The following LNPEP variants were observed in gnomAD, a reference collection of about 807,000 sequenced individuals.
LNPEP encodes leucyl and cystinyl aminopeptidase.
In LNPEP, 64 loss-of-function variants were observed where a neutral mutation model predicts 120.6. That is an observed-to-expected ratio of 0.53 (90% CI 0.43 to 0.65). The LOEUF is 0.65. Among genes scored for constraint, LNPEP ranks in the 30% least tolerant of loss-of-function variants. LNPEP has a pLI of 0.00. For synonymous variants in LNPEP, 435 were observed against 425.4 expected, an observed-to-expected ratio of 1.02 and a Z score of -0.28; for missense variants, 1,057 against 1,200.0, an observed-to-expected ratio of 0.88 and a Z score of 1.76.
At chr5:97,008,224 T>G (rs1790832432) in intron 11 of LNPEP, among the ~76,000 whole-genome samples, 2 of 152,112 alleles carry the variant, frequency 1.3e-5, no homozygotes, top group South Asian at 4.1e-4. Context: ...TTTTGCAAAC[T>G]TTCTGATAGT....
chr5:96,958,460 TCCACTAAGTACAGAAGTGGAG>T lies in LNPEP; in HGVS notation c.20-20675_20-20655del, dbSNP rs371740066. The stretch of plus-strand genomic sequence containing the variant: ...AGCTGAACTTGGGCAAGCTCCTAAC[TCCACTAAGTACAGAAGTGGAG>T]CCGTACAGCCATGAATGTCAGGCAT... On this transcript the variant is annotated intron_variant, in intron 1 of 17. Transcript: ENST00000231368. The T allele has an allele frequency of 4.0e-4, 391 of 985,470 alleles. 2 individuals are homozygous for T. In the African/African-American group the frequency reaches 6.4e-3, roughly 16 times the overall value. 61.0% of individuals were successfully genotyped at this position (985,470 alleles called of 1,614,324 possible). A position where few individuals can be genotyped will look rare whatever the true frequency, so the allele number is the denominator to read the frequency against.
rs1554071749 is a variant in LNPEP, at chr5:97,030,620, C to CTCTGTGTGTGTGTGTG, written c.*2088_*2089insCTGTGTGTGTGTGTGT. On this transcript the variant is annotated 3_prime_UTR_variant, in exon 18 of 18. Transcript: ENST00000231368. ...CATTTCTCTCCCTCTCTCTCTCTCT[C>CTCTGTGTGTGTGTGTG]TGTGTGTGTGTGTGTGTGTGTGTGT... is the stretch of plus-strand genomic sequence containing the variant. 17 of 126,276 alleles carry CTCTGTGTGTGTGTGTG rather than the reference C, an allele frequency of 1.3e-4. No homozygotes were observed. The highest frequency in any genetic ancestry group is 2.5e-4 in the Non-Finnish European group (15 of 59,460). 7.8% of individuals were successfully genotyped at this position (126,276 alleles called of 1,614,324 possible).
intron 1 of LNPEP, among the ~76,000 whole-genome samples, chr5:96,959,790 T>C (rs1789554294): frequency 6.6e-6 from 1 of 152,182 alleles, no homozygotes; most frequent in African/African-American, 2.4e-5. Context: ...TGGGAAGATC[T>C]AAAATTTTTG....
chr5:96,949,217 C>G (rs1049201720), intron 1 of LNPEP, among the ~76,000 whole-genome samples: 3 of 152,182 alleles, frequency 2.0e-5, no homozygotes, highest in Non-Finnish European at 4.4e-5. Flanking sequence ...TTGCCTAAAG[C>G]ATGGGTCCCC....
intron 2 of LNPEP, among the ~76,000 whole-genome samples, chr5:96,981,842 A>G (rs1259568533): frequency 2.0e-5 from 3 of 152,142 alleles, no homozygotes; most frequent in Non-Finnish European, 4.4e-5. Flanking sequence ...TGATACTAAG[A>G]ACTAGTAAAC....
At position 96,954,723 on chromosome 5, in the gene LNPEP, CAT is replaced by C. The variant is rs1284258736; in HGVS notation, c.19+18559_19+18560del. ...ATATACATATATACACATATATATA[CAT>C]ATATATATACATATATATATACACA... On this transcript the variant is annotated intron_variant, in intron 1 of 17. Coordinates refer to ENST00000231368, the MANE Select transcript of LNPEP (RefSeq NM_005575.3). 2.6e-3 allele frequency among the ~76,000 whole-genome samples: 218 copies of C among 85,490 alleles called. 59 individuals carry two copies. Among genetic ancestry groups the C allele is most frequent in the East Asian group, 0.02 (61 of 3,092 alleles). The allele number at this position is 85,490 out of a possible 152,430, so 56.1% of individuals were successfully genotyped here. A position where few individuals can be genotyped will look rare whatever the true frequency, so the allele number is the denominator to read the frequency against.
At chr5:97,022,561 C>T (rs953908647) in intron 14 of LNPEP, 77 bp downstream of exon 14, 6 of 1,129,164 alleles carry the variant, frequency 5.3e-6, no homozygotes, top group South Asian at 2.7e-5. Context: ...AGGGTATTCT[C>T]ATCCTGGATC....
intron 3 of LNPEP, among the ~76,000 whole-genome samples, chr5:96,985,771 T>C (rs78816478): frequency 6.6e-6 from 1 of 151,372 alleles, no homozygotes; most frequent in African/African-American, 2.4e-5. Context: ...TTTTTTTTTT[T>C]GGTCTTAGAC....
intron 11 of LNPEP, chr5:97,010,989 G>T: frequency 1.0e-6 from 1 of 985,264 alleles, no homozygotes; most frequent in Non-Finnish European, 1.2e-6. Flanking sequence ...GTGTCATCTC[G>T]ATGACAGTAA....
At chr5:96,989,137 G>A (rs1023904120) in intron 4 of LNPEP, among the ~76,000 whole-genome samples, 6 of 150,694 alleles carry the variant, frequency 4.0e-5, no homozygotes, top group African/African-American at 7.3e-5. Flanking sequence ...CATAGACTCT[G>A]GAGTCTAATT....
chr5:96,971,641 A>G (rs1789866054), intron 1 of LNPEP, among the ~76,000 whole-genome samples: 1 of 151,884 alleles, frequency 6.6e-6, no homozygotes, highest in Non-Finnish European at 1.5e-5. Flanking sequence ...TGTCAAGTTT[A>G]TGGACTCTTT....
chr5:96,955,496 T>G (rs1354870027), intron 1 of LNPEP, among the ~76,000 whole-genome samples: 2 of 152,124 alleles, frequency 1.3e-5, no homozygotes, highest in Admixed American at 6.5e-5. Context: ...ACGCCTGTAG[T>G]CCCAGCTACT....
chr5:96,949,479 CCT>C (rs1789274375), intron 1 of LNPEP, among the ~76,000 whole-genome samples: 1 of 152,180 alleles, frequency 6.6e-6, no homozygotes. Flanking sequence ...CATGCTCTTG[CCT>C]CTGTCACTTC....
intron 1 of LNPEP, 31 bp from the exon 2 acceptor site, chr5:96,979,107 T>C: frequency 1.3e-6 from 2 of 1,543,468 alleles, no homozygotes; most frequent in South Asian, 1.3e-5. Flanking sequence ...TTTCTAACTC[T>C]GTGCCTTGTT....
At chr5:96,976,621 T>A (rs1290958525) in intron 1 of LNPEP, among the ~76,000 whole-genome samples, 5 of 152,104 alleles carry the variant, frequency 3.3e-5, no homozygotes, top group African/African-American at 1.2e-4. Flanking sequence ...AAAACCATGC[T>A]GTACAGAACC....
intron 17 of LNPEP, 108 bp from the exon 18 acceptor site, chr5:97,028,294 A>C: frequency 1.0e-6 from 1 of 981,914 alleles, no homozygotes; most frequent in African/African-American, 1.6e-5. Context: ...ACTGCTTTCA[A>C]GATAGCAGCA....
intron 2 of LNPEP, among the ~76,000 whole-genome samples, chr5:96,982,499 G>GT (rs1480129591): frequency 1.3e-5 from 2 of 152,192 alleles, no homozygotes; most frequent in African/African-American, 2.4e-5. Context: ...CTTAACAACA[G>GT]TTTAAGGCTT....
At chr5:96,994,022 C>T (rs1486376341) in intron 6 of LNPEP, 51 bp downstream of exon 6, 1 of 1,485,690 alleles carries the variant, frequency 6.7e-7, no homozygotes, top group East Asian at 2.3e-5. Flanking sequence ...TACTTCATGT[C>T]CTGGAGTTAT....
chr5:97,015,175 G>A lies in LNPEP; in HGVS notation c.2376+80G>A, dbSNP rs1456682164. On this transcript the variant is annotated intron_variant, in intron 13 of 17. Coordinates refer to ENST00000231368, the MANE Select transcript of LNPEP (RefSeq NM_005575.3). The stretch of plus-strand genomic sequence containing the variant: ...TGGTTCCATTTTCAGCCAGTAATAG[G>A]CTGAAAAAGCAACCAGTTAAATTCC... The A allele has an allele frequency of 1.2e-5, 11 of 925,336 alleles. No homozygotes were observed. The East Asian group carries it at 3.0e-4, about 25-fold the overall frequency. 57.3% of individuals were successfully genotyped at this position (925,336 alleles called of 1,614,324 possible).
Sources: gnomAD v4.1 joint callset for allele counts (sites outside exome capture counted in the v4.1 genomes callset) on GRCh38, gnomAD v4.1.1 for gene constraint, MANE v1.5 for transcripts, NCBI Gene and HGNC (gene_info 2026-07-23, HGNC 2026-07-21) for gene names.